Variants in SLC6A11 observed in about 807,000 individuals in gnomAD.
The protein encoded by SLC6A11 is solute carrier family 6 member 11, also known as sodium- and chloride-dependent GABA transporter 3.
Under a neutral mutation model 74.8 loss-of-function variants are expected in SLC6A11, and 25 were observed. That is an observed-to-expected ratio of 0.33 (90% confidence interval 0.24 to 0.47). The LOEUF (loss-of-function observed/expected upper bound fraction) is 0.47, where lower values mean the gene tolerates loss of function less well. SLC6A11 is among the 20% of genes least tolerant of loss of function. The probability of loss-of-function intolerance (pLI) is 1.00; values close to 1 mark genes in which losing one functional copy is unlikely to be tolerated. For synonymous variants in SLC6A11, 330 were observed against 330.2 expected, an observed-to-expected ratio of 1.00 and a Z score of 0.01; for missense variants, 574 against 837.0, an observed-to-expected ratio of 0.69 and a Z score of 3.88.
At chr3:10,874,814 A>C (rs1313888768) in intron 5 of SLC6A11, 147 bp from the exon 6 acceptor site, 6 of 650,368 alleles carry the variant, frequency 9.2e-6, no homozygotes, top group Admixed American at 2.8e-5. Context: ...GGATCAAGCA[A>C]ATGTGGTCTA....
At chr3:10,905,457 G>A (rs1695291146) in intron 6 of SLC6A11, among the ~76,000 whole-genome samples, 1 of 152,242 alleles carries the variant, frequency 6.6e-6, no homozygotes, top group Non-Finnish European at 1.5e-5. Flanking sequence ...AAATCATTGG[G>A]TGCAAGAGAG....
chr3:10,831,356 AGTT>A (rs1694294381), intron 4 of SLC6A11, among the ~76,000 whole-genome samples: 1 of 92,982 alleles, frequency 1.1e-5, no homozygotes, highest in East Asian at 2.5e-4. Flanking sequence ...TGCATGTGAT[AGTT>A]AGAAAGGACA....
Position 10,816,503 on chromosome 3 carries a change from T to A in SLC6A11, c.238T>A (p.Cys80Ser), listed in dbSNP as rs757766850. 1.2e-6 allele frequency: 2 copies of A among 1,602,500 alleles called. No homozygotes were observed. The highest frequency in any genetic ancestry group is 3.4e-5 in the Admixed American group (2 of 59,362). ...LGNVWRFPYL[C>S]YKNGGGAFLI... ...CAACGTGTGGCGCTTCCCCTACCTG[T>A]GCTACAAGAACGGAGGAGGTGAGGT... The change falls in exon 1 of 14, where the codon TGC becomes AGC. Residue 80 changes from cysteine (C) to serine (S), a missense_variant. Physicochemically the swap from Cys to Ser is moderately radical, Grantham distance 112 (BLOSUM62 -1). This residue lies in a region of SLC6A11 where 215 missense variants were observed against 357.9 expected (regional missense o/e 0.60). Coordinates refer to ENST00000254488, the MANE Select transcript of SLC6A11 (RefSeq NM_014229.3). The surrounding 1 kb of genome is among the most constrained non-coding windows in gnomAD (Gnocchi z 4.2).
intron 7 of SLC6A11, among the ~76,000 whole-genome samples, chr3:10,913,357 A>G (rs1374055125): frequency 6.6e-6 from 1 of 152,210 alleles, no homozygotes; most frequent in Non-Finnish European, 1.5e-5. Flanking sequence ...CACAAAAACT[A>G]TTCAAAATAA....
intron 10 of SLC6A11, among the ~76,000 whole-genome samples, chr3:10,932,662 G>A (rs1695705641): frequency 6.6e-6 from 1 of 152,200 alleles, no homozygotes; most frequent in Non-Finnish European, 1.5e-5. Flanking sequence ...TGAGGCCAAT[G>A]AGGAGGGCAG....
Position 10,849,794 on chromosome 3 carries a change from CAAAAAAAAAAAAAAAAA to C in SLC6A11, c.756+5460_756+5476del, listed in dbSNP as rs56099322. On this transcript the variant is annotated intron_variant, in intron 5 of 13. Transcript: ENST00000254488. ...TATCTCTGTGCATACTTGTTGAAGC[CAAAAAAAAAAAAAAAAA>C]AAAAAAAAAAACGAAAAAAAACCCT... is the stretch of plus-strand genomic sequence containing the variant. 1.3e-3 allele frequency among the ~76,000 whole-genome samples: 115 copies of C among 87,278 alleles called. 1 individual carries two copies. The highest frequency in any genetic ancestry group is 4.0e-3 in the African/African-American group (102 of 25,542). 57.3% of individuals were successfully genotyped at this position (87,278 alleles called of 152,430 possible). A position where few individuals can be genotyped will look rare whatever the true frequency, so the allele number is the denominator to read the frequency against.
intron 6 of SLC6A11, among the ~76,000 whole-genome samples, chr3:10,878,076 C>T (rs917772228): frequency 2.0e-5 from 3 of 152,184 alleles, no homozygotes; most frequent in African/African-American, 7.2e-5. Flanking sequence ...AGGCCACTCC[C>T]CACCCAGCAA....
intron 7 of SLC6A11, among the ~76,000 whole-genome samples, chr3:10,913,555 T>C (rs991366126): frequency 1.3e-5 from 2 of 152,244 alleles, no homozygotes; most frequent in Admixed American, 1.3e-4. Flanking sequence ...TATTTACAAA[T>C]ATGAGAATTT....
chr3:10,856,108 A>T (rs796602341), intron 5 of SLC6A11, among the ~76,000 whole-genome samples: 1 of 152,216 alleles, frequency 6.6e-6, no homozygotes, highest in Non-Finnish European at 1.5e-5. Flanking sequence ...CGTGGCAGTC[A>T]CTCAACCAAT....
intron 4 of SLC6A11, among the ~76,000 whole-genome samples, chr3:10,829,419 T>C (rs575717181): frequency 6.6e-6 from 1 of 152,194 alleles, no homozygotes; most frequent in Non-Finnish European, 1.5e-5. Flanking sequence ...TACAGTAGCC[T>C]TCATGCCTCC....
At chr3:10,928,847 G>C (rs1259170685) in intron 9 of SLC6A11, among the ~76,000 whole-genome samples, 3 of 152,032 alleles carry the variant, frequency 2.0e-5, no homozygotes, top group Admixed American at 1.3e-4. Context: ...TTAAGTTGTC[G>C]ACCCCAGCAC....
At chr3:10,914,723 A>G (rs773683781) in intron 7 of SLC6A11, among the ~76,000 whole-genome samples, 5 of 152,156 alleles carry the variant, frequency 3.3e-5, no homozygotes, top group African/African-American at 7.2e-5. Flanking sequence ...AATGTTAACC[A>G]TGGACAGGAA....
intron 5 of SLC6A11, among the ~76,000 whole-genome samples, chr3:10,852,248 A>G (rs540643677): frequency 1.3e-5 from 2 of 152,356 alleles, no homozygotes; most frequent in East Asian, 1.9e-4. Context: ...CATGAGATGC[A>G]TGCAGAATGC....
At chr3:10,935,332 CTG>C in intron 13 of SLC6A11, 133 bp downstream of exon 13, 1 of 760,916 alleles carries the variant, frequency 1.3e-6, no homozygotes, top group Non-Finnish European at 2.2e-6. Context: ...AAACTCCTCT[CTG>C]GCCAATGTTC....
intron 3 of SLC6A11, among the ~76,000 whole-genome samples, chr3:10,821,404 G>A (rs1236756981): frequency 1.3e-5 from 2 of 152,180 alleles, no homozygotes; most frequent in Non-Finnish European, 2.9e-5. Flanking sequence ...CATAGATAGA[G>A]CATTAGTACT....
intron 4 of SLC6A11, chr3:10,825,180 CA>C (rs57132355): frequency 0.017 from 2,113 of 120,748 alleles, 40 homozygotes; most frequent in African/African-American, 0.046. Context: ...GAGACTGTCT[CA>C]AAAAAAAAAA....
intron 6 of SLC6A11, among the ~76,000 whole-genome samples, chr3:10,898,219 C>T (rs775077435): frequency 2.0e-5 from 3 of 152,188 alleles, no homozygotes; most frequent in African/African-American, 4.8e-5. Flanking sequence ...GACATGCCCT[C>T]GAGACATTTT....
In SLC6A11 at chr3:10,816,269, A is replaced by G; in HGVS notation, c.4A>G (p.Thr2Ala). Residue 2 changes from threonine (T) to alanine (A), a missense_variant, in exon 1 of 14, where the codon ACG becomes GCG. Coordinates refer to ENST00000254488, the MANE Select transcript of SLC6A11 (RefSeq NM_014229.3). The surrounding 1 kb of genome is among the most constrained non-coding windows in gnomAD (Gnocchi z 4.2). ...GCACGAGGCAGCCAGCGCGGCCATG[A>G]CGGCGGAGAAGGCGCTGCCCCTGGG... Reference protein sequence around the residue: MTAEKALPLGNG... With the variant: MAAEKALPLGNG... 7.5e-7 allele frequency: 1 copy of G among 1,338,940 alleles called. No homozygotes were observed. The highest frequency in any genetic ancestry group is 9.6e-7 in the Non-Finnish European group (1 of 1,046,592). 82.9% of individuals were successfully genotyped at this position (1,338,940 alleles called of 1,614,324 possible).
At chr3:10,923,189 A>T (rs1027658639) in intron 8 of SLC6A11, among the ~76,000 whole-genome samples, 2 of 151,624 alleles carry the variant, frequency 1.3e-5, no homozygotes, top group Non-Finnish European at 2.9e-5. Flanking sequence ...AAGCAATAAT[A>T]CTCCACAGTT....
Sources: gnomAD v4.1 joint callset for allele counts (sites outside exome capture counted in the v4.1 genomes callset) on GRCh38, gnomAD v4.1.1 for gene constraint, gnomAD v4.1.1 regional missense constraint, Gnocchi (gnomAD v3.1) non-coding constraint, MANE v1.5 for transcripts, NCBI Gene and HGNC (gene_info 2026-07-23, HGNC 2026-07-21) for gene names.